The following PLAC1 variants were observed in gnomAD, a reference collection of about 807,000 sequenced individuals.
PLAC1 encodes placenta-specific protein 1.
For synonymous variants in PLAC1, 68 were observed against 62.1 expected (o/e 1.09, Z -0.44); for missense variants, 136 against 163.2 (o/e 0.83, Z 0.91).
intron 1 of PLAC1, among the ~76,000 whole-genome samples, chrX:134,658,017 A>G (rs770546614): frequency 9.3e-4 from 104 of 111,412 alleles, no homozygotes; most frequent in Non-Finnish European, 1.6e-3. Flanking sequence ...TGAATGTATG[A>G]TATTGATTTT....
At chrX:134,662,643 T>C (rs1042422108), upstream of PLAC1, among the ~76,000 whole-genome samples, 1 of 112,422 alleles carries the variant, frequency 8.9e-6, no homozygotes, top group Non-Finnish European at 1.9e-5. Flanking sequence ...AAGCCTGAAA[T>C]GCTTAGCCAG....
chrX:134,682,959 G>A (rs2078503924), intron 2 of PLAC1, among the ~76,000 whole-genome samples: 1 of 111,777 alleles, frequency 8.9e-6, no homozygotes, highest in African/African-American at 3.3e-5. Context: ...AAGAGCATAT[G>A]GACTCTTCAA....
intron 2 of PLAC1, among the ~76,000 whole-genome samples, chrX:134,720,058 A>T (rs1199997387): frequency 9.0e-6 from 1 of 110,986 alleles, no homozygotes; most frequent in East Asian, 2.8e-4. Context: ...AGAAGTAAAA[A>T]ATATCTCTAT....
At chrX:134,613,267 T>C (rs1413851252) in intron 1 of PLAC1, among the ~76,000 whole-genome samples, 1 of 111,481 alleles carries the variant, frequency 9.0e-6, no homozygotes, top group Non-Finnish European at 1.9e-5. Context: ...TGCTAAAATG[T>C]CAACAGAATT....
intron 1 of PLAC1, among the ~76,000 whole-genome samples, chrX:134,628,782 G>A (rs1331075876): frequency 1.8e-5 from 2 of 111,781 alleles, no homozygotes; most frequent in Non-Finnish European, 3.8e-5. Context: ...TTTCCTCTAT[G>A]ACCCTGGGCA....
chrX:134,620,567 C>T lies in PLAC1; in HGVS notation c.-130-18445G>A, dbSNP rs73566638. Among the ~76,000 whole-genome samples, 389 of 111,873 alleles carry T rather than the reference C, an allele frequency of 3.5e-3. 1 individual carries two copies. The highest frequency in any genetic ancestry group is 0.012 in the African/African-American group (369 of 30,795). On this transcript the variant is annotated intron_variant, in intron 1 of 2. Transcript: ENST00000359237. ...TCTGAAAGTAAGAGGTTGTGTGGTA[C>T]GTTAGAAGGAGCACTGCATGCGGAG...
At chrX:134,666,249 T>C (rs1165826497) in intron 2 of PLAC1, among the ~76,000 whole-genome samples, 2 of 110,936 alleles carry the variant, frequency 1.8e-5, no homozygotes, top group Non-Finnish European at 3.8e-5. Flanking sequence ...CCAAAGCTAG[T>C]GGGAGGTCAT....
chrX:134,709,372 T>C (rs2078620799), intron 2 of PLAC1, among the ~76,000 whole-genome samples: 1 of 112,308 alleles, frequency 8.9e-6, no homozygotes, highest in Non-Finnish European at 1.9e-5. Context: ...ACGCCTATAA[T>C]CTGAGAACTG....
At chrX:134,613,817 C>G (rs1173545322) in intron 1 of PLAC1, among the ~76,000 whole-genome samples, 4 of 110,642 alleles carry the variant, frequency 3.6e-5, no homozygotes, top group African/African-American at 9.9e-5. Flanking sequence ...TGGCTCCCAG[C>G]TGGACTCTCC....
chrX:134,699,773 C>T (rs1247033726), intron 2 of PLAC1, among the ~76,000 whole-genome samples: 1 of 111,810 alleles, frequency 8.9e-6, no homozygotes, highest in Non-Finnish European at 1.9e-5. Context: ...AAGTATAAAT[C>T]AGTTCTTGTT....
intron 1 of PLAC1, among the ~76,000 whole-genome samples, chrX:134,742,896 G>A (rs1016236037): frequency 9.9e-5 from 11 of 110,729 alleles, no homozygotes; most frequent in African/African-American, 3.6e-4. Context: ...TCTACAGGCA[G>A]TTGTTAATGT....
At chrX:134,604,912 G>A (rs1347076597) in intron 1 of PLAC1, among the ~76,000 whole-genome samples, 2 of 111,705 alleles carry the variant, frequency 1.8e-5, no homozygotes, top group Admixed American at 9.5e-5. Flanking sequence ...GGGAAACATT[G>A]CTCACAGTGC....
intron 1 of PLAC1, among the ~76,000 whole-genome samples, chrX:134,759,670 G>A (rs1284342889): frequency 8.9e-6 from 1 of 111,898 alleles, no homozygotes; most frequent in African/African-American, 3.3e-5. Flanking sequence ...CAACCTAAAT[G>A]TCCATCAACA....
chrX:134,573,832 C>A (rs1367509154), intron 2 of PLAC1, among the ~76,000 whole-genome samples: 1 of 111,225 alleles, frequency 9.0e-6, no homozygotes, highest in Non-Finnish European at 1.9e-5. Context: ...TTGTGCATGC[C>A]CCACCCAGAA....
intron 2 of PLAC1, among the ~76,000 whole-genome samples, chrX:134,578,411 TCA>T (rs2077953890): frequency 3.2e-5 from 1 of 31,475 alleles, no homozygotes; most frequent in African/African-American, 1.2e-4. Flanking sequence ...AGACTCTGTC[TCA>T]AAAAAAAAAA....
chrX:134,704,093 A>G (rs781376944), intron 2 of PLAC1, among the ~76,000 whole-genome samples: 13 of 106,677 alleles, frequency 1.2e-4, no homozygotes, highest in Admixed American at 5.1e-4. Context: ...CACTAAATTA[A>G]CAGAAATACA....
At chrX:134,580,979 T>C (rs1182655822) in intron 2 of PLAC1, among the ~76,000 whole-genome samples, 2 of 111,994 alleles carry the variant, frequency 1.8e-5, no homozygotes, top group Non-Finnish European at 3.8e-5. Flanking sequence ...CAATAAATCT[T>C]CCTGAATGGA....
At chrX:134,720,462 C>CTT (rs560761685) in intron 2 of PLAC1, among the ~76,000 whole-genome samples, 1 of 97,124 alleles carries the variant, frequency 1.0e-5, no homozygotes. Context: ...TCTCAGCTGG[C>CTT]TTTTTTTTTT....
chrX:134,731,644 T>C (rs940913901), intron 2 of PLAC1, among the ~76,000 whole-genome samples: 18 of 111,652 alleles, frequency 1.6e-4, no homozygotes, highest in Middle Eastern at 9.3e-3. Context: ...TGGCACCATC[T>C]GACTGGAGAC....
Sources: gnomAD v4.1 joint callset for allele counts (sites outside exome capture counted in the v4.1 genomes callset) on GRCh38, gnomAD v4.1.1 for gene constraint, MANE v1.5 for transcripts, NCBI Gene and HGNC (gene_info 2026-07-23, HGNC 2026-07-21) for gene names.